The following IDE variants were observed in gnomAD, a reference collection of about 807,000 sequenced individuals.
IDE encodes the protein insulin-degrading enzyme.
Under a neutral mutation model 133.2 loss-of-function variants are expected in IDE, and 58 were observed. The observed-to-expected ratio is 0.44, with a 90% CI of 0.35 to 0.54. The LOEUF is 0.54. Ranked by LOEUF, IDE falls within the 20% of genes least tolerant of loss-of-function variation. The pLI is 0.00. For missense variants in IDE, 981 were observed against 1,234.0 expected (o/e 0.79, Z 3.07); for synonymous variants, 396 against 421.3 (o/e 0.94, Z 0.73).
intron 11 of IDE, among the ~76,000 whole-genome samples, chr10:92,495,281 C>T (rs1394794093): frequency 3.4e-5 from 5 of 146,098 alleles, no homozygotes; most frequent in South Asian, 2.2e-4. Flanking sequence ...AGTGCAGTGG[C>T]GCGATCTTGG....
intron 17 of IDE, 21 bp from the exon 18 acceptor site, chr10:92,470,366 A>ATAGTGAGCG: frequency 6.6e-7 from 1 of 1,505,824 alleles, no homozygotes; most frequent in Non-Finnish European, 9.1e-7. Flanking sequence ...GTAAGAAGAC[A>ATAGTGAGCG]TAGTGAGCGC....
intron 1 of IDE, chr10:92,554,983 G>A (rs527539173): frequency 2.0e-5 from 3 of 152,260 alleles, no homozygotes; most frequent in Admixed American, 6.5e-5. Context: ...GCCTTTCACG[G>A]TAAAAACTCT....
At chr10:92,550,863 G>A (rs937766135) in intron 1 of IDE, among the ~76,000 whole-genome samples, 2 of 151,826 alleles carry the variant, frequency 1.3e-5, no homozygotes, top group Non-Finnish European at 1.5e-5. Flanking sequence ...AGCGAGACTC[G>A]GTCTCAAAAA....
At chr10:92,500,821 C>T (rs968815906) in intron 11 of IDE, among the ~76,000 whole-genome samples, 1 of 150,626 alleles carries the variant, frequency 6.6e-6, no homozygotes, top group African/African-American at 2.4e-5. Context: ...AATTTTGGAA[C>T]CAATTTCTGA....
intron 1 of IDE, among the ~76,000 whole-genome samples, chr10:92,547,656 G>A (rs1468930042): frequency 6.6e-6 from 1 of 152,128 alleles, no homozygotes; most frequent in Non-Finnish European, 1.5e-5. Flanking sequence ...GATTTGGAAT[G>A]CTCAACCTGT....
intron 11 of IDE, among the ~76,000 whole-genome samples, chr10:92,496,776 ACT>A (rs1847727654): frequency 1.3e-5 from 2 of 152,302 alleles, no homozygotes; most frequent in East Asian, 1.9e-4. Context: ...ACAGAGCAAG[ACT>A]CTGTCTCAAA....
chr10:92,520,619 T>C (rs1271689400), intron 4 of IDE, among the ~76,000 whole-genome samples: 1 of 152,244 alleles, frequency 6.6e-6, no homozygotes, highest in Non-Finnish European at 1.5e-5. Flanking sequence ...CTTCTTGCTA[T>C]AGCAATCTTC....
chr10:92,527,098 T>A (rs574616642), intron 4 of IDE, among the ~76,000 whole-genome samples: 1 of 152,274 alleles, frequency 6.6e-6, no homozygotes, highest in East Asian at 1.9e-4. Flanking sequence ...GAACATTTCC[T>A]CTATCTGAAG....
chr10:92,478,796 AAAAG>A, intron 15 of IDE: 1 of 1,205,160 alleles, frequency 8.3e-7, no homozygotes, highest in Non-Finnish European at 1.1e-6. Context: ...GCGACTAACA[AAAAG>A]AAAAACAAAA....
At chr10:92,456,311 C>T in intron 23 of IDE, 48 bp downstream of exon 23, 2 of 1,326,778 alleles carry the variant, frequency 1.5e-6, no homozygotes, top group Non-Finnish European at 2.2e-6. Flanking sequence ...AAAGGCCAAC[C>T]ATCAGATGGC....
rs756191936 is a variant in IDE at position 92,506,572 on chromosome 10, C to T, written c.1246-50G>A. On this transcript the variant is annotated intron_variant, in intron 9 of 24. Coordinates refer to ENST00000265986, the MANE Select transcript of IDE (RefSeq NM_004969.4). The stretch of plus-strand genomic sequence containing the variant: ...AGATACGGCCACCCTTATTTAGAAA[C>T]CTTTTTTTTTTTTTTTAAGTGTTTG... 6 of 857,560 alleles carry T rather than the reference C, an allele frequency of 7.0e-6. No individual in the cohort carries two copies. The South Asian group carries it at 8.0e-5, about 11-fold the overall frequency. 53.1% of individuals were successfully genotyped at this position (857,560 alleles called of 1,614,324 possible).
chr10:92,454,105 AC>A lies in IDE; in HGVS notation c.*338del, dbSNP rs1844867135. On this transcript the variant is annotated 3_prime_UTR_variant, in exon 25 of 25. Transcript: ENST00000265986. ...GCTTTTAGAAAAGAGCTAACTTTTA[AC>A]TTTCTTCGGACAAGTGACTATTTTA... is the stretch of plus-strand genomic sequence containing the variant. 5.9e-6 allele frequency: 1 copy of A among 170,406 alleles called. No individual in the cohort carries two copies. The highest frequency in any genetic ancestry group is 1.6e-4 in the South Asian group (1 of 6,414). 10.6% of individuals were successfully genotyped at this position (170,406 alleles called of 1,614,324 possible).
chr10:92,452,743 C>G lies in IDE; in HGVS notation c.*1701G>C, dbSNP rs1458051123. ...ACTAGTACAGTGGTGGATCGGAACA[C>G]TCAGGCCTAATTTCAGATCTGTCTT... On this transcript the variant is annotated 3_prime_UTR_variant, in exon 25 of 25. Transcript: ENST00000265986. 6.6e-6 allele frequency: 1 copy of G among 152,200 alleles called. No homozygotes were observed. Among genetic ancestry groups the G allele is most frequent in the Non-Finnish European group, 1.5e-5 (1 of 68,040 alleles). The allele number at this position is 152,200 out of a possible 1,614,324, so 9.4% of individuals were successfully genotyped here.
chr10:92,463,707 G>T, intron 21 of IDE, 24 bp downstream of exon 21: 1 of 1,601,416 alleles, frequency 6.2e-7, no homozygotes, highest in Non-Finnish European at 8.5e-7. Context: ...TGCCATAAAT[G>T]TTGGAGCCCT....
intron 4 of IDE, among the ~76,000 whole-genome samples, chr10:92,521,608 G>A (rs1849229814): frequency 6.6e-6 from 1 of 151,942 alleles, no homozygotes; most frequent in African/African-American, 2.4e-5. Context: ...ACTTTGGGTG[G>A]TCAAGGTGGG....
intron 4 of IDE, among the ~76,000 whole-genome samples, chr10:92,521,155 G>A (rs1849205302): frequency 6.6e-6 from 1 of 152,158 alleles, no homozygotes; most frequent in African/African-American, 2.4e-5. Context: ...AATCAAAAGA[G>A]ATGGAATAAT....
intron 1 of IDE, among the ~76,000 whole-genome samples, chr10:92,563,915 T>TA (rs1246073920): frequency 6.6e-6 from 1 of 152,208 alleles, no homozygotes; most frequent in Non-Finnish European, 1.5e-5. Flanking sequence ...TTTAACCATA[T>TA]GCTAGATAAC....
chr10:92,492,116 C>T (rs901012000), intron 11 of IDE, among the ~76,000 whole-genome samples: 2 of 151,486 alleles, frequency 1.3e-5, no homozygotes, highest in South Asian at 2.1e-4. Context: ...AAAAATTAGC[C>T]GGGTGTGGTG....
intron 4 of IDE, among the ~76,000 whole-genome samples, chr10:92,531,162 A>T (rs1467854905): frequency 2.0e-5 from 3 of 152,186 alleles, no homozygotes; most frequent in Non-Finnish European, 4.4e-5. Context: ...TTAAATATTT[A>T]AACAAGTACT....
Sources: gnomAD v4.1 joint callset for allele counts (sites outside exome capture counted in the v4.1 genomes callset) on GRCh38, gnomAD v4.1.1 for gene constraint, MANE v1.5 for transcripts, NCBI Gene and HGNC (gene_info 2026-07-23, HGNC 2026-07-21) for gene names.